IGSF9B: variants seen among roughly 807,000 people sequenced by gnomAD.
The protein encoded by IGSF9B is immunoglobulin superfamily member 9B.
IGSF9B carries 48 observed loss-of-function variants against 143.7 expected under a neutral mutation model. The observed-to-expected ratio is 0.33, with a 90% CI of 0.26 to 0.42. The LOEUF (loss-of-function observed/expected upper bound fraction) is 0.42. Ranked by LOEUF, IGSF9B falls within the 20% of genes least tolerant of loss-of-function variation. The pLI is 1.00. For synonymous variants in IGSF9B, 903 were observed against 833.1 expected (o/e 1.08, Z -1.44); for missense variants, 1,706 against 1,980.0 (o/e 0.86, Z 2.63).
Position 133,919,792 on chromosome 11 carries a change from CCCCGTCCTTCGAGGGGAAGGCGT to C in IGSF9B, c.3910_3932del (p.Thr1304GlyfsTer30). 1 of 1,503,010 alleles carries C rather than the reference CCCCGTCCTTCGAGGGGAAGGCGT, an allele frequency of 6.7e-7. No individual in the cohort carries two copies. Among genetic ancestry groups the C allele is most frequent in the Non-Finnish European group, 8.9e-7 (1 of 1,123,584 alleles). 93.1% of individuals were successfully genotyped at this position (1,503,010 alleles called of 1,614,324 possible). ...GGGTCTCCGGTCGGAGCAATTCCTC[CCCCGTCCTTCGAGGGGAAGGCGT>C]CTGTCCAAACACGTCCAAGCTGTCC... On this transcript the variant is annotated frameshift_variant, in exon 18 of 20. Coordinates refer to ENST00000533871, the MANE Select transcript of IGSF9B (RefSeq NM_001277285.4). LOFTEE classifies it high-confidence loss of function.
chr11:133,910,870 T>A (rs1385105877), intron 19 of IGSF9B, among the ~76,000 whole-genome samples: 1 of 152,208 alleles, frequency 6.6e-6, no homozygotes, highest in African/African-American at 2.4e-5. Context: ...ATGGGCTTAA[T>A]TGGCTGAAAA....
rs1212206028 is a variant in IGSF9B, at chr11:133,937,429, C to G, written c.626G>C (p.Arg209Pro). 1 of 1,613,842 alleles carries G rather than the reference C, an allele frequency of 6.2e-7. No homozygotes were observed. Among genetic ancestry groups the G allele is most frequent in the Admixed American group, 1.7e-5 (1 of 60,010 alleles). The change falls in exon 5 of 20, where the codon CGA becomes CCA. Residue 209 changes from arginine to proline, a missense_variant. Arg to Pro is a moderately radical substitution (Grantham distance 103). Coordinates refer to ENST00000533871, the MANE Select transcript of IGSF9B (RefSeq NM_001277285.4). ...SREDRGAYTC[R>P]AYSIQGEAVH... ...AGCCTCCCCCTGAATGCTGTACGCT[C>G]GGCAGGTGTAGGCACCTCTGTCCTC...
rs1217766703 is a variant in IGSF9B at position 133,921,061 on chromosome 11, C to G, written c.2664G>C (p.Glu888Asp). 1.9e-6 allele frequency: 3 copies of G among 1,613,910 alleles called. No homozygotes were observed. Among genetic ancestry groups the G allele is most frequent in the Non-Finnish European group, 1.7e-6 (2 of 1,179,866 alleles). ...PFAEETDMYPEFRQSDEENED... is the reference protein window; with the variant it reads ...PFAEETDMYPDFRQSDEENED... ...CGTTCTCCTCGTCCGACTGGCGGAA[C>G]TCGGGGTACATGTCCGTCTCCTCGG... The change falls in exon 18 of 20, where the codon GAG becomes GAC. Residue 888 changes from glutamate to aspartate, a missense_variant. Coordinates refer to ENST00000533871, the MANE Select transcript of IGSF9B (RefSeq NM_001277285.4).
intron 7 of IGSF9B, among the ~76,000 whole-genome samples, chr11:133,933,753 G>C (rs1939773827): frequency 6.6e-6 from 1 of 152,114 alleles, no homozygotes; most frequent in Non-Finnish European, 1.5e-5. Flanking sequence ...GGCTCTCGGA[G>C]GAGCAACGAG....
At chr11:133,935,203 G>A (rs1329297213) in intron 7 of IGSF9B, among the ~76,000 whole-genome samples, 2 of 152,230 alleles carry the variant, frequency 1.3e-5, no homozygotes, top group African/African-American at 2.4e-5. Context: ...AGGGAGTAAG[G>A]CTGGGAGAAA....
chr11:133,918,987 G>A, intron 18 of IGSF9B: 3 of 476,760 alleles, frequency 6.3e-6, no homozygotes. Flanking sequence ...AAGGATGAGA[G>A]AAGAAGAGGC....
At chr11:133,914,934 T>C (rs148624815) in intron 18 of IGSF9B, among the ~76,000 whole-genome samples, 1 of 152,322 alleles carries the variant, frequency 6.6e-6, no homozygotes, top group African/African-American at 2.4e-5. Context: ...GTCATGGAGC[T>C]CTTGGTGCCA....
chr11:133,908,042 C>T lies in IGSF9B; in HGVS notation c.*1027G>A, dbSNP rs548330125. ...ACTGCACAGAGTGCTGAGCCGGGGA[C>T]GGTATAAATAGAGCCGGCAGCTTGG... On this transcript the variant is annotated 3_prime_UTR_variant, in exon 20 of 20. Transcript: ENST00000533871. 9.2e-5 allele frequency among the ~76,000 whole-genome samples: 14 copies of T among 152,354 alleles called. No individual in the cohort carries two copies. Among genetic ancestry groups the T allele is most frequent in the South Asian group, 4.1e-4 (2 of 4,828 alleles).
At chr11:133,943,116 C>T (rs1002901296) in intron 3 of IGSF9B, among the ~76,000 whole-genome samples, 2 of 152,170 alleles carry the variant, frequency 1.3e-5, no homozygotes, top group Non-Finnish European at 1.5e-5. Context: ...AAGCCAGGAA[C>T]GTCAATTTCT....
At chr11:133,949,849 G>C (rs1018325619) in intron 1 of IGSF9B, among the ~76,000 whole-genome samples, 1 of 152,178 alleles carries the variant, frequency 6.6e-6, no homozygotes, top group Non-Finnish European at 1.5e-5. Context: ...GGGAAAACCA[G>C]CATTGTCAGG....
intron 15 of IGSF9B, among the ~76,000 whole-genome samples, chr11:133,924,429 A>G (rs1052835519): frequency 1.3e-5 from 2 of 152,254 alleles, no homozygotes; most frequent in African/African-American, 4.8e-5. Context: ...AAAGAAGTCT[A>G]TCACAAGCAT....
At chr11:133,914,504 T>C (rs909242286) in intron 18 of IGSF9B, among the ~76,000 whole-genome samples, 3 of 152,162 alleles carry the variant, frequency 2.0e-5, no homozygotes, top group Non-Finnish European at 4.4e-5. Context: ...AGGAGCCTGC[T>C]TAAGTTGTAT....
Position 133,919,794 on chromosome 11 carries a change from C to CCGTCCTT in IGSF9B, c.3924_3930dup (p.Gly1311LysfsTer33). On this transcript the variant is annotated frameshift_variant, in exon 18 of 20. Transcript: ENST00000533871. LOFTEE classifies it high-confidence loss of function. ...GTCTCCGGTCGGAGCAATTCCTCCC[C>CCGTCCTT]CGTCCTTCGAGGGGAAGGCGTCTGT... The CCGTCCTT allele has an allele frequency of 1.3e-6, 2 of 1,504,312 alleles. No individual in the cohort carries two copies. The highest frequency in any genetic ancestry group is 1.8e-6 in the Non-Finnish European group (2 of 1,124,222). 93.2% of individuals were successfully genotyped at this position (1,504,312 alleles called of 1,614,324 possible).
rs370337864 is a variant in IGSF9B at position 133,921,108 on chromosome 11, G to A, written c.2617C>T (p.Arg873Cys). 65 of 1,613,794 alleles carry A rather than the reference G, an allele frequency of 4.0e-5. No homozygotes were observed. The highest frequency in any genetic ancestry group is 2.9e-4 in the African/African-American group (22 of 75,058). Residue 873 changes from arginine to cysteine, a missense_variant, in exon 18 of 20, where the codon CGC (arginine) becomes TGC (cysteine). Around this residue, in one of 7 missense-constraint regions of IGSF9B, gnomAD observed 880 missense variants for 762.9 expected, o/e 1.15. Transcript: ENST00000533871. Reference protein sequence around the residue: ...AEMEPSLKSRRIEGFPFAEET... With the variant: ...AEMEPSLKSRCIEGFPFAEET... ...TCGGCGAAGGGGAAGCCCTCGATGCGCCTGCTCTTCAGCGAGGGCTCCATC... is the reference window on the plus strand; with the variant it reads ...TCGGCGAAGGGGAAGCCCTCGATGCACCTGCTCTTCAGCGAGGGCTCCATC...
At chr11:133,956,551 G>T in intron 1 of IGSF9B, 140 bp downstream of exon 1, 1 of 526,962 alleles carries the variant, frequency 1.9e-6, no homozygotes, top group Non-Finnish European at 3.2e-6. Flanking sequence ...GCCCGCGTCG[G>T]AGCCCAAGCC....
chr11:133,952,769 GTGTA>G (rs1349091104), intron 1 of IGSF9B, among the ~76,000 whole-genome samples: 1 of 149,744 alleles, frequency 6.7e-6, no homozygotes, highest in Non-Finnish European at 1.5e-5. Flanking sequence ...AGGAACATGT[GTGTA>G]TGCGCACACA....
chr11:133,923,199 C>T (rs571576520), intron 15 of IGSF9B, among the ~76,000 whole-genome samples: 2 of 152,334 alleles, frequency 1.3e-5, no homozygotes, highest in African/African-American at 4.8e-5. Flanking sequence ...CAGCTGCCTG[C>T]TCCCAGTCTG....
At chr11:133,952,782 CACATGTGCACATGTATGCATG>C (rs2121352198) in intron 1 of IGSF9B, among the ~76,000 whole-genome samples, 1 of 149,120 alleles carries the variant, frequency 6.7e-6, no homozygotes, top group African/African-American at 2.5e-5. Context: ...TATGCGCACA[CACATGTGCACATGTATGCATG>C]TGCACACACA....
At chr11:133,918,889 G>T (rs1226823784) in intron 18 of IGSF9B, 1 of 448,796 alleles carries the variant, frequency 2.2e-6, no homozygotes, top group East Asian at 7.0e-5. Context: ...ACCCAAAGGC[G>T]ATGGTGAGGA....
Sources: allele counts gnomAD v4.1 joint callset (sites outside exome capture counted in the v4.1 genomes callset), GRCh38; gene constraint gnomAD v4.1.1; regional missense constraint gnomAD v4.1.1; transcripts MANE v1.5; gene names NCBI Gene and HGNC (gene_info 2026-07-23, HGNC 2026-07-21).